ADAMTS17: variants seen among roughly 807,000 people sequenced by gnomAD.
ADAMTS17 encodes ADAM metallopeptidase with thrombospondin type 1 motif 17, also known as A disintegrin and metalloproteinase with thrombospondin motifs 17.
A neutral mutation model predicts 141.5 loss-of-function variants in ADAMTS17; 113 were observed. The observed-to-expected ratio is 0.80, with a 90% CI of 0.69 to 0.93. The LOEUF (loss-of-function observed/expected upper bound fraction) is 0.93, where lower values mean the gene tolerates loss of function less well. Among genes scored for constraint, ADAMTS17 ranks in the 40% least tolerant of loss-of-function variants. The pLI is 0.00. For synonymous variants in ADAMTS17, 768 were observed against 630.6 expected (o/e 1.22, Z -3.27); for missense variants, 1,659 against 1,517.9 (o/e 1.09, Z -1.54).
chr15:100,085,196 G>T (rs555574689), intron 15 of ADAMTS17, among the ~76,000 whole-genome samples: 1 of 152,144 alleles, frequency 6.6e-6, no homozygotes, highest in Admixed American at 6.5e-5. Context: ...CGTGACAAAT[G>T]CACAAGGCCT....
chr15:100,054,605 C>G (rs772253016), intron 15 of ADAMTS17, among the ~76,000 whole-genome samples: 1 of 152,148 alleles, frequency 6.6e-6, no homozygotes, highest in Admixed American at 6.5e-5. Flanking sequence ...TCCCTTCAAT[C>G]AATAACCATT....
At chr15:100,032,696 G>A (rs889764386) in intron 18 of ADAMTS17, among the ~76,000 whole-genome samples, 7 of 152,192 alleles carry the variant, frequency 4.6e-5, no homozygotes, top group African/African-American at 1.7e-4. Context: ...TTTAAAATGA[G>A]AACGAGAAAG....
intron 18 of ADAMTS17, among the ~76,000 whole-genome samples, chr15:100,022,433 T>C (rs2061422861): frequency 1.3e-5 from 2 of 152,186 alleles, no homozygotes; most frequent in African/African-American, 4.8e-5. Flanking sequence ...CAGTTTCCTA[T>C]AAAAAGTGAC....
At position 99,974,245 on chromosome 15, in the gene ADAMTS17, G is replaced by A. The variant is rs768247564; in HGVS notation, c.*157C>T. ...TGGCTGTTAACAATATATTAAGTAC[G>A]GAAGCACTAATGGCAAACGCCAAGT... On this transcript the variant is annotated 3_prime_UTR_variant, in exon 22 of 22. Transcript: ENST00000268070. 1.7e-5 allele frequency: 15 copies of A among 881,562 alleles called. No individual in the cohort carries two copies. The highest frequency in any genetic ancestry group is 2.6e-5 in the East Asian group (1 of 38,724). 54.6% of individuals were successfully genotyped at this position (881,562 alleles called of 1,614,324 possible).
chr15:100,337,970 G>C (rs947096178), intron 2 of ADAMTS17, among the ~76,000 whole-genome samples: 2 of 152,194 alleles, frequency 1.3e-5, no homozygotes, highest in African/African-American at 2.4e-5. Context: ...AGAGTGTAAA[G>C]GCCTTCCTCA....
chr15:100,008,888 G>C (rs914455066), intron 18 of ADAMTS17, among the ~76,000 whole-genome samples: 4 of 152,188 alleles, frequency 2.6e-5, no homozygotes, highest in Non-Finnish European at 5.9e-5. Flanking sequence ...ACTCAGTGTA[G>C]AGTGCAGTGG....
chr15:99,987,126 AC>A (rs1445869483), intron 20 of ADAMTS17, among the ~76,000 whole-genome samples: 1 of 152,178 alleles, frequency 6.6e-6, no homozygotes, highest in Non-Finnish European at 1.5e-5. Flanking sequence ...CCCAGCTAGC[AC>A]CTGCAGCATG....
At chr15:100,156,522 C>A (rs1222653783) in intron 8 of ADAMTS17, among the ~76,000 whole-genome samples, 1 of 152,202 alleles carries the variant, frequency 6.6e-6, no homozygotes, top group African/African-American at 2.4e-5. Flanking sequence ...TGTGACTTCC[C>A]CCGTCAGTGG....
In ADAMTS17 at chr15:99,977,382, ATATATATATATATATATAATT is replaced by A. The variant is rs2060374955; in HGVS notation, c.2950-1181_2950-1161del. Among the ~76,000 whole-genome samples, 15 of 20,938 alleles carry A rather than the reference ATATATATATATATATATAATT, an allele frequency of 7.2e-4. 1 individual carries two copies. Among genetic ancestry groups the A allele is most frequent in the African/African-American group, 1.7e-3 (8 of 4,628 alleles). 13.7% of individuals were successfully genotyped at this position (20,938 alleles called of 152,430 possible). ...TATATATATATATATATATATATAT[ATATATATATATATATATAATT>A]TTTTTTTTTTTTTTTTTTTTTTTTT... On this transcript the variant is annotated intron_variant, in intron 20 of 21. Coordinates refer to ENST00000268070, the MANE Select transcript of ADAMTS17 (RefSeq NM_139057.4).
chr15:100,104,225 G>A (rs2036290173), intron 14 of ADAMTS17, among the ~76,000 whole-genome samples: 1 of 152,300 alleles, frequency 6.6e-6, no homozygotes, highest in South Asian at 2.1e-4. Context: ...TATTAACCCG[G>A]TGTCTCTCCT....
chr15:100,017,096 G>C lies in ADAMTS17; in HGVS notation c.2592-19507C>G, dbSNP rs1596236974. On this transcript the variant is annotated intron_variant, in intron 18 of 21. Coordinates refer to ENST00000268070, the MANE Select transcript of ADAMTS17 (RefSeq NM_139057.4). ...CCAGGTCAATGGAGTTGTGTACCTA[G>C]GAGGGTTATGGCTGCCTCTGCTGAG... Among the ~76,000 whole-genome samples, 5 of 152,262 alleles carry C rather than the reference G, an allele frequency of 3.3e-5. No individual in the cohort carries two copies. In the South Asian group the frequency reaches 1.0e-3, roughly 32 times the overall value.
intron 8 of ADAMTS17, among the ~76,000 whole-genome samples, chr15:100,176,053 C>T (rs532098971): frequency 2.2e-4 from 34 of 152,296 alleles, no homozygotes; most frequent in Admixed American, 1.0e-3. Flanking sequence ...AGGCCACAGG[C>T]GCAAACTCCC....
intron 8 of ADAMTS17, among the ~76,000 whole-genome samples, chr15:100,188,184 C>A (rs1359975417): frequency 2.0e-5 from 3 of 151,936 alleles, no homozygotes; most frequent in Non-Finnish European, 2.9e-5. Flanking sequence ...TTAAGGGATT[C>A]TCCTGCCTCA....
At chr15:100,257,684 A>G (rs955213484) in intron 6 of ADAMTS17, among the ~76,000 whole-genome samples, 1 of 152,212 alleles carries the variant, frequency 6.6e-6, no homozygotes, top group Non-Finnish European at 1.5e-5. Flanking sequence ...AACCACTCCC[A>G]TGCAATTAGG....
intron 3 of ADAMTS17, among the ~76,000 whole-genome samples, chr15:100,307,194 C>T (rs1049497680): frequency 1.3e-5 from 2 of 152,200 alleles, no homozygotes; most frequent in Non-Finnish European, 2.9e-5. Flanking sequence ...TACCCCAATG[C>T]TGTGTGATGA....
rs553592175 is a variant in ADAMTS17, at chr15:100,086,929, G to A, written c.2137+9427C>T. ...TGACACCCTAACATCACAATTGAAA[G>A]AACCAGAGAATCAAGAGCAAACACA... On this transcript the variant is annotated intron_variant, in intron 15 of 21. Coordinates refer to ENST00000268070, the MANE Select transcript of ADAMTS17 (RefSeq NM_139057.4). Among the ~76,000 whole-genome samples the A allele has an allele frequency of 1.5e-3, 222 of 152,242 alleles. 1 individual carries two copies. The highest frequency in any genetic ancestry group is 4.8e-3 in the African/African-American group (201 of 41,528).
At chr15:100,278,444 T>G (rs370495696) in intron 4 of ADAMTS17, among the ~76,000 whole-genome samples, 88 of 152,176 alleles carry the variant, frequency 5.8e-4, no homozygotes, top group African/African-American at 2.0e-3. Flanking sequence ...CACCCTCACA[T>G]GCCCACTGAG....
chr15:100,205,548 C>T (rs942935503), intron 7 of ADAMTS17, among the ~76,000 whole-genome samples: 3 of 152,158 alleles, frequency 2.0e-5, no homozygotes, highest in Non-Finnish European at 4.4e-5. Context: ...TAACGTTTGT[C>T]AAATCACAGT....
chr15:100,120,630 A>G (rs1047468949), intron 12 of ADAMTS17, among the ~76,000 whole-genome samples: 2 of 152,236 alleles, frequency 1.3e-5, no homozygotes, highest in African/African-American at 4.8e-5. Flanking sequence ...ATGGCTAGGA[A>G]AAGATACAGG....
Sources: gnomAD v4.1 joint callset for allele counts (sites outside exome capture counted in the v4.1 genomes callset) on GRCh38, gnomAD v4.1.1 for gene constraint, MANE v1.5 for transcripts, NCBI Gene and HGNC (gene_info 2026-07-23, HGNC 2026-07-21) for gene names.